PRKX: variants seen among roughly 807,000 people sequenced by gnomAD.
The protein encoded by PRKX is cAMP-dependent protein kinase catalytic subunit PRKX.
In PRKX, 12 loss-of-function variants were observed where a neutral mutation model predicts 22.0. The observed-to-expected ratio is 0.54, with a 90% CI of 0.35 to 0.88. PRKX has a LOEUF of 0.88. Among genes scored for constraint, PRKX ranks in the 40% least tolerant of loss-of-function variants. The pLI, the probability that PRKX is intolerant of heterozygous loss-of-function variation, is 0.01. For missense variants in PRKX, 217 were observed against 308.0 expected, an observed-to-expected ratio of 0.70 and a Z score of 2.21; for synonymous variants, 134 against 137.7, an observed-to-expected ratio of 0.97 and a Z score of 0.19.
intron 1 of PRKX, among the ~76,000 whole-genome samples, chrX:3,708,771 G>A (rs1928729709): frequency 9.2e-6 from 1 of 109,061 alleles, no homozygotes; most frequent in East Asian, 2.9e-4. Flanking sequence ...GGCTGAGGCA[G>A]GAGAATCGCT....
intron 2 of PRKX, among the ~76,000 whole-genome samples, chrX:3,656,585 G>A (rs1927485528): frequency 9.0e-6 from 1 of 111,427 alleles, no homozygotes; most frequent in South Asian, 3.8e-4. Flanking sequence ...GTTAGGATAT[G>A]CGTGTGTGTA....
intron 1 of PRKX, among the ~76,000 whole-genome samples, chrX:3,675,516 C>T (rs1439932113): frequency 1.8e-5 from 2 of 109,815 alleles, no homozygotes; most frequent in African/African-American, 6.6e-5. Context: ...TCATCTCTTC[C>T]TTCTCCTCTA....
intron 1 of PRKX, among the ~76,000 whole-genome samples, chrX:3,693,675 C>T (rs980031970): frequency 7.2e-5 from 8 of 110,932 alleles, no homozygotes; most frequent in Admixed American, 9.6e-5. Flanking sequence ...CGGTGGCTCA[C>T]GCCTGTAATC....
At chrX:3,653,893 A>ATATTATATACTATGTGATATATATAT (rs1927408302) in intron 3 of PRKX, among the ~76,000 whole-genome samples, 1 of 75,229 alleles carries the variant, frequency 1.3e-5, no homozygotes, top group South Asian at 5.9e-4. Flanking sequence ...TATATATTAT[A>ATATTATATACTATGTGATATATATAT]TATATTATAT....
chrX:3,696,748 G>A (rs1928449997), intron 1 of PRKX, among the ~76,000 whole-genome samples: 1 of 112,033 alleles, frequency 8.9e-6, no homozygotes, highest in Non-Finnish European at 1.9e-5. Flanking sequence ...GGCTGGACGC[G>A]GTGGCTCACA....
Position 3,606,019 on chromosome X carries a change from T to C in PRKX, c.*2950A>G, listed in dbSNP as rs1176667938. 3.6e-5 allele frequency: 4 copies of C among 112,651 alleles called. No individual in the cohort carries two copies. Among genetic ancestry groups the C allele is most frequent in the Admixed American group, 2.8e-4 (3 of 10,626 alleles). 9.3% of individuals were successfully genotyped at this position (112,651 alleles called of 1,213,427 possible). A position where few individuals can be genotyped will look rare whatever the true frequency, so the allele number is the denominator to read the frequency against. On this transcript the variant is annotated 3_prime_UTR_variant, in exon 9 of 9. Transcript: ENST00000262848. ...TCCTTCCTGGCTTTATCAATGCCTA[T>C]GAAAGCAGGCCGGTGGCATTTCCCT...
At chrX:3,618,994 C>T (rs12388899) in intron 6 of PRKX, among the ~76,000 whole-genome samples, 8,372 of 111,800 alleles carry the variant, frequency 0.075, 259 homozygotes, top group African/African-American at 0.12. Context: ...CGTTGCTGTC[C>T]GCAAATAATG....
At chrX:3,672,011 A>AT (rs1428771421) in intron 2 of PRKX, among the ~76,000 whole-genome samples, 1 of 111,470 alleles carries the variant, frequency 9.0e-6, no homozygotes, top group Admixed American at 9.6e-5. Context: ...AAATATATAC[A>AT]TATGTTTTTT....
chrX:3,654,476 T>G (rs758954914), intron 3 of PRKX, among the ~76,000 whole-genome samples: 1,153 of 100,866 alleles, frequency 0.011, 22 homozygotes, highest in African/African-American at 0.039. Flanking sequence ...TTTTTTTTTT[T>G]TGTTTTGTTT....
chrX:3,671,771 T>A, intron 2 of PRKX, among the ~76,000 whole-genome samples: 1 of 111,125 alleles, frequency 9.0e-6, no homozygotes, highest in Non-Finnish European at 1.9e-5. Context: ...GAAGATCATT[T>A]GAGCCCAGGA....
chrX:3,701,442 C>T (rs1252009189), intron 1 of PRKX, among the ~76,000 whole-genome samples: 2 of 112,558 alleles, frequency 1.8e-5, no homozygotes, highest in Admixed American at 1.9e-4. Context: ...ACAAAATCAA[C>T]CAGCCCATGA....
intron 5 of PRKX, among the ~76,000 whole-genome samples, chrX:3,624,567 C>T (rs1036008557): frequency 1.4e-4 from 16 of 110,494 alleles, no homozygotes; most frequent in African/African-American, 5.2e-4. Flanking sequence ...GTTGTTTCCA[C>T]AGAACATTGG....
At chrX:3,665,388 A>G (rs781719338) in intron 2 of PRKX, among the ~76,000 whole-genome samples, 1 of 111,059 alleles carries the variant, frequency 9.0e-6, no homozygotes, top group South Asian at 3.8e-4. Flanking sequence ...AGTTGGAAGA[A>G]TCGCTTGAAC....
intron 1 of PRKX, among the ~76,000 whole-genome samples, chrX:3,712,573 C>A (rs1359798304): frequency 8.9e-6 from 1 of 112,531 alleles, no homozygotes; most frequent in Non-Finnish European, 1.9e-5. Context: ...GTCCCCACAG[C>A]GCCCCGGGAC....
intron 6 of PRKX, among the ~76,000 whole-genome samples, chrX:3,617,763 A>C (rs1227653541): frequency 9.0e-6 from 1 of 111,324 alleles, no homozygotes; most frequent in Non-Finnish European, 1.9e-5. Context: ...TAAGATTATA[A>C]TGATCTTAAA....
intron 1 of PRKX, among the ~76,000 whole-genome samples, chrX:3,698,748 AC>A (rs2146610040): frequency 9.4e-6 from 1 of 106,793 alleles, no homozygotes; most frequent in South Asian, 4.2e-4. Flanking sequence ...GCCACCACAC[AC>A]CCGGCTAATT....
intron 4 of PRKX, among the ~76,000 whole-genome samples, chrX:3,633,903 T>C (rs1051821467): frequency 8.9e-6 from 1 of 111,822 alleles, no homozygotes; most frequent in African/African-American, 3.3e-5. Context: ...TAGAATTTCA[T>C]CCCACCTTGA....
chrX:3,678,370 CCATT>C (rs1401539297), intron 1 of PRKX, among the ~76,000 whole-genome samples: 2 of 111,774 alleles, frequency 1.8e-5, no homozygotes, highest in Non-Finnish European at 3.8e-5. Context: ...CCCAAGGAAC[CCATT>C]CATTACTTGG....
rs528688936 is a variant in PRKX, at chrX:3,613,150, C to CAAAAAAAAA, written c.952-834_952-826dup. 6.8e-4 allele frequency among the ~76,000 whole-genome samples: 37 copies of CAAAAAAAAA among 54,312 alleles called. 4 individuals are homozygous for CAAAAAAAAA. The highest frequency in any genetic ancestry group is 1.6e-3 in the East Asian group (2 of 1,241). 47.2% of individuals were successfully genotyped at this position (54,312 alleles called of 115,157 possible). A position where few individuals can be genotyped will look rare whatever the true frequency, so the allele number is the denominator to read the frequency against. ...TGGGCAACGGAGCAAGACTTCGTCT[C>CAAAAAAAAA]AAAAAAAAAAAAAAAAAAAAAAAAA... On this transcript the variant is annotated intron_variant, in intron 7 of 8. Transcript: ENST00000262848.
Sources: gnomAD v4.1 joint callset for allele counts (sites outside exome capture counted in the v4.1 genomes callset) on GRCh38, gnomAD v4.1.1 for gene constraint, MANE v1.5 for transcripts, NCBI Gene and HGNC (gene_info 2026-07-23, HGNC 2026-07-21) for gene names.